The following ATF2 variants were observed in gnomAD, a reference collection of about 807,000 sequenced individuals.
The protein encoded by ATF2 is activating transcription factor 2, also known as cyclic AMP-dependent transcription factor ATF-2.
ATF2 carries 24 observed loss-of-function variants against 60.6 expected under a neutral mutation model. The ratio of observed to expected loss-of-function variants is 0.40; its 90% CI spans 0.29 to 0.56. The LOEUF is 0.56. ATF2 is among the 20% of genes least tolerant of loss of function. The pLI, the probability that ATF2 is intolerant of heterozygous loss-of-function variation, is 0.54. For missense variants in ATF2, 433 were observed against 607.7 expected (o/e 0.71, Z 3.02); for synonymous variants, 206 against 215.4 (o/e 0.96, Z 0.38).
At chr2:175,143,140 A>C (rs1698712850) in intron 2 of ATF2, among the ~76,000 whole-genome samples, 1 of 152,216 alleles carries the variant, frequency 6.6e-6, no homozygotes, top group Non-Finnish European at 1.5e-5. Context: ...AGAATAATAC[A>C]GAAGGGCAAA....
At chr2:175,139,221 A>G (rs954686289) in intron 2 of ATF2, among the ~76,000 whole-genome samples, 2 of 152,224 alleles carry the variant, frequency 1.3e-5, no homozygotes, top group Admixed American at 1.3e-4. Flanking sequence ...GGCACAGAGT[A>G]ATTGTTAAAT....
At chr2:175,108,448 G>C (rs778402205) in intron 10 of ATF2, among the ~76,000 whole-genome samples, 3 of 145,704 alleles carry the variant, frequency 2.1e-5, no homozygotes, top group Admixed American at 2.0e-4. Context: ...CAGCAGCCCC[G>C]TCCGGGAGGG....
rs548534976 is a variant in ATF2 at position 175,072,923 on chromosome 2, G to A, written c.*1686C>T. 1 of 152,160 alleles carries A rather than the reference G, an allele frequency of 6.6e-6. No homozygotes were observed. The highest frequency in any genetic ancestry group is 3.4e-3 in the Middle Eastern group (1 of 292). 9.4% of individuals were successfully genotyped at this position (152,160 alleles called of 1,614,324 possible). On this transcript the variant is annotated 3_prime_UTR_variant, in exon 14 of 14. Coordinates refer to ENST00000264110, the MANE Select transcript of ATF2 (RefSeq NM_001880.4). ...TTCCCAGTTTGGAACTTAGGCAGGA[G>A]GGATATTTCCTTGAATTATCAAGGA...
intron 3 of ATF2, among the ~76,000 whole-genome samples, chr2:175,133,065 G>A (rs1235962253): frequency 6.6e-6 from 1 of 151,334 alleles, no homozygotes; most frequent in Non-Finnish European, 1.5e-5. Flanking sequence ...CTCCAGCCTG[G>A]GCAACAGAGT....
intron 1 of ATF2, among the ~76,000 whole-genome samples, chr2:175,167,236 A>G (rs1700414858): frequency 6.6e-6 from 1 of 151,864 alleles, no homozygotes; most frequent in Non-Finnish European, 1.5e-5. Context: ...ACACGTACAC[A>G]CACTCCCTTT....
At chr2:175,082,479 A>T (rs1440407274) in intron 12 of ATF2, among the ~76,000 whole-genome samples, 1 of 152,188 alleles carries the variant, frequency 6.6e-6, no homozygotes, top group African/African-American at 2.4e-5. Flanking sequence ...AATGTATATT[A>T]CCCAATGTAT....
intron 4 of ATF2, among the ~76,000 whole-genome samples, chr2:175,122,649 G>A (rs144638894): frequency 7.9e-5 from 12 of 152,134 alleles, no homozygotes; most frequent in African/African-American, 2.6e-4. Flanking sequence ...CCGTCTGCCT[G>A]TAGAGGTGAA....
At chr2:175,105,164 A>G (rs992921933) in intron 10 of ATF2, among the ~76,000 whole-genome samples, 1 of 152,202 alleles carries the variant, frequency 6.6e-6, no homozygotes, top group African/African-American at 2.4e-5. Context: ...CAATCATTAC[A>G]TAACTGTACA....
chr2:175,152,468 A>C (rs17270532), intron 1 of ATF2, among the ~76,000 whole-genome samples: 14,290 of 152,220 alleles, frequency 0.094, 719 homozygotes, highest in Middle Eastern at 0.17. Flanking sequence ...ATGAGTAAGA[A>C]CCTGGCAGAA....
intron 7 of ATF2, among the ~76,000 whole-genome samples, chr2:175,116,843 A>G (rs975061267): frequency 1.3e-5 from 2 of 152,046 alleles, no homozygotes; most frequent in Non-Finnish European, 2.9e-5. Flanking sequence ...AGCATTTCCA[A>G]TAACTGTAAT....
intron 2 of ATF2, among the ~76,000 whole-genome samples, chr2:175,141,030 A>AAATAT (rs1698491252): frequency 5.3e-5 from 2 of 37,616 alleles, no homozygotes; most frequent in Admixed American, 4.8e-4. Flanking sequence ...AAAAAAAAAA[A>AAATAT]ATATATATAT....
chr2:175,102,493 G>A (rs1145064), intron 10 of ATF2, among the ~76,000 whole-genome samples: 15,558 of 152,160 alleles, frequency 0.1, 919 homozygotes, highest in Middle Eastern at 0.18. Context: ...GATTTAAGGT[G>A]GGGTGTGATG....
intron 10 of ATF2, among the ~76,000 whole-genome samples, chr2:175,110,025 C>T (rs190702546): frequency 9.9e-4 from 151 of 152,266 alleles, no homozygotes; most frequent in African/African-American, 3.5e-3. Context: ...ATTGTCTGCA[C>T]TAATGGAGAA....
At chr2:175,155,058 C>G (rs555627943) in intron 1 of ATF2, among the ~76,000 whole-genome samples, 1 of 152,260 alleles carries the variant, frequency 6.6e-6, no homozygotes, top group East Asian at 1.9e-4. Flanking sequence ...GGGATACAGA[C>G]AAAGTGGGGT....
intron 4 of ATF2, among the ~76,000 whole-genome samples, chr2:175,122,400 G>C (rs1697026425): frequency 6.6e-6 from 1 of 151,922 alleles, no homozygotes; most frequent in Non-Finnish European, 1.5e-5. Context: ...AAAATGCTAA[G>C]TTAACAGATC....
chr2:175,152,233 GT>G (rs1699358448), intron 1 of ATF2, among the ~76,000 whole-genome samples: 3 of 152,196 alleles, frequency 2.0e-5, no homozygotes, highest in Admixed American at 1.3e-4. Flanking sequence ...AGAAGGTCCT[GT>G]CAGGAGCCAA....
intron 1 of ATF2, among the ~76,000 whole-genome samples, chr2:175,166,701 T>C (rs540703390): frequency 8.5e-5 from 13 of 152,358 alleles, no homozygotes; most frequent in African/African-American, 3.1e-4. Context: ...TATGGCTATT[T>C]AAAGATCAGA....
chr2:175,146,998 G>A (rs1173713176), intron 2 of ATF2, among the ~76,000 whole-genome samples: 2 of 151,938 alleles, frequency 1.3e-5, no homozygotes, highest in East Asian at 3.9e-4. Context: ...CTTGTTTTTT[G>A]TTTATAATTT....
intron 11 of ATF2, 129 bp from the exon 12 acceptor site, chr2:175,093,396 G>C (rs2105590752): frequency 1.1e-6 from 1 of 877,242 alleles, no homozygotes; most frequent in East Asian, 2.7e-5. Context: ...CAGTATGTTG[G>C]GGCAATATGA....
Sources: allele counts gnomAD v4.1 joint callset (sites outside exome capture counted in the v4.1 genomes callset), GRCh38; gene constraint gnomAD v4.1.1; transcripts MANE v1.5; gene names NCBI Gene and HGNC (gene_info 2026-07-23, HGNC 2026-07-21).